Variants in KALRN observed in about 807,000 individuals in gnomAD.
KALRN encodes the protein kalirin RhoGEF kinase.
A neutral mutation model predicts 353.7 loss-of-function variants in KALRN; 70 were observed. The ratio of observed to expected loss-of-function variants is 0.20; its 90% CI spans 0.16 to 0.24. The LOEUF (loss-of-function observed/expected upper bound fraction) is 0.24. Among genes scored for constraint, KALRN ranks in the 10% least tolerant of loss-of-function variants. The probability of loss-of-function intolerance (pLI) is 1.00; values close to 1 mark genes in which losing one functional copy is unlikely to be tolerated. For synonymous variants in KALRN, 1,391 were observed against 1,434.8 expected, an observed-to-expected ratio of 0.97 and a Z score of 0.69; for missense variants, 2,791 against 3,756.7, an observed-to-expected ratio of 0.74 and a Z score of 6.72.
At chr3:124,564,078 G>A (rs894148836) in intron 34 of KALRN, among the ~76,000 whole-genome samples, 29 of 146,382 alleles carry the variant, frequency 2.0e-4, no homozygotes, top group African/African-American at 4.8e-4. Context: ...GGTGGCGCAC[G>A]CCTGTAGTCC....
chr3:124,051,662 A>C (rs1485947090), intron 1 of KALRN, among the ~76,000 whole-genome samples: 1 of 152,078 alleles, frequency 6.6e-6, no homozygotes, highest in Non-Finnish European at 1.5e-5. Context: ...TGATGCGGAA[A>C]ACTTTTGTGT....
At chr3:124,582,301 G>A (rs769613515) in intron 34 of KALRN, among the ~76,000 whole-genome samples, 3 of 152,136 alleles carry the variant, frequency 2.0e-5, no homozygotes, top group Non-Finnish European at 4.4e-5. Context: ...GATTACAAGC[G>A]TGAGCCACTG....
At chr3:124,063,538 A>G (rs1278453736) in intron 1 of KALRN, among the ~76,000 whole-genome samples, 1 of 152,180 alleles carries the variant, frequency 6.6e-6, no homozygotes, top group Non-Finnish European at 1.5e-5. Context: ...TAAAGACACA[A>G]ACATTCTCGG....
chr3:124,228,691 T>C (rs1293219885), intron 2 of KALRN, among the ~76,000 whole-genome samples: 1 of 152,202 alleles, frequency 6.6e-6, no homozygotes, highest in Non-Finnish European at 1.5e-5. Context: ...ATGGAGTGTA[T>C]TAGTTTCCCA....
chr3:124,238,675 C>A (rs2080082120), intron 3 of KALRN, among the ~76,000 whole-genome samples: 1 of 152,158 alleles, frequency 6.6e-6, no homozygotes, highest in South Asian at 2.1e-4. Context: ...TTTGTCTATA[C>A]CTTAAATCCT....
At chr3:124,534,063 T>C (rs2068300929) in intron 33 of KALRN, among the ~76,000 whole-genome samples, 1 of 152,074 alleles carries the variant, frequency 6.6e-6, no homozygotes, top group Non-Finnish European at 1.5e-5. Flanking sequence ...ATACATCCAA[T>C]TGAGAAATAT....
chr3:124,215,030 A>T (rs2077198878), intron 1 of KALRN, among the ~76,000 whole-genome samples: 1 of 152,220 alleles, frequency 6.6e-6, no homozygotes, highest in African/African-American at 2.4e-5. Context: ...ATCTTTATGT[A>T]GAACCCAGTC....
At chr3:124,669,843 A>G (rs2086161788) in intron 47 of KALRN, among the ~76,000 whole-genome samples, 1 of 152,112 alleles carries the variant, frequency 6.6e-6, no homozygotes, top group African/African-American at 2.4e-5. Flanking sequence ...ATAATACCCG[A>G]TATAATGTAC....
chr3:124,314,821 A>AT (rs36075707), intron 6 of KALRN, among the ~76,000 whole-genome samples: 49,228 of 151,944 alleles, frequency 0.32, 8,852 homozygotes, highest in East Asian at 0.47. Context: ...ATGCTGGCTA[A>AT]TTTTTTAATT....
chr3:124,346,494 C>T (rs2082273299), intron 9 of KALRN, among the ~76,000 whole-genome samples: 1 of 152,118 alleles, frequency 6.6e-6, no homozygotes, highest in South Asian at 2.1e-4. Context: ...TATTAAAGGA[C>T]TTAGGATGCA....
At chr3:124,146,874 C>CGAAAAAAA (rs2067406933) in intron 1 of KALRN, among the ~76,000 whole-genome samples, 1 of 49,924 alleles carries the variant, frequency 2.0e-5, no homozygotes, top group Non-Finnish European at 3.4e-5. Flanking sequence ...GACTCTGTCT[C>CGAAAAAAA]AAAAAAAAAA....
chr3:124,664,364 T>TGCGCGC lies in KALRN; in HGVS notation c.6346-2084_6346-2083insCGCGCG, dbSNP rs769865594. Among the ~76,000 whole-genome samples, 938 of 127,030 alleles carry TGCGCGC rather than the reference T, an allele frequency of 7.4e-3. 12 individuals are homozygous for TGCGCGC. The highest frequency in any genetic ancestry group is 0.021 in the Admixed American group (263 of 12,604). The allele number at this position is 127,030 out of a possible 152,430, so 83.3% of individuals were successfully genotyped here. On this transcript the variant is annotated intron_variant, in intron 45 of 59. Transcript: ENST00000682506. ...GTGTGTGTGTGTGTGTGTGTGTGTG[T>TGCGCGC]GTGTGTGCGCGCGCGCGCATATAAG...
chr3:124,615,557 A>C (rs904271603), intron 34 of KALRN, among the ~76,000 whole-genome samples: 1 of 152,242 alleles, frequency 6.6e-6, no homozygotes, highest in Admixed American at 6.5e-5. Context: ...AGCTAAGGGC[A>C]AAATGTTAAC....
At chr3:124,095,863 G>C (rs2061413691) in intron 1 of KALRN, 1 of 152,076 alleles carries the variant, frequency 6.6e-6, no homozygotes, top group Non-Finnish European at 1.5e-5. Flanking sequence ...GGGAAGCCTT[G>C]CTATACAGCC....
At chr3:124,344,747 A>G (rs550485101) in intron 9 of KALRN, among the ~76,000 whole-genome samples, 1 of 152,362 alleles carries the variant, frequency 6.6e-6, no homozygotes, top group African/African-American at 2.4e-5. Context: ...TCACAGAGCA[A>G]TCAAAGTTAT....
chr3:124,640,857 C>T (rs1172688391), intron 37 of KALRN, among the ~76,000 whole-genome samples: 1 of 152,166 alleles, frequency 6.6e-6, no homozygotes, highest in South Asian at 2.1e-4. Context: ...GAGTTTTCTT[C>T]GTTCCATATG....
At chr3:124,626,707 A>G (rs1259139741) in intron 34 of KALRN, among the ~76,000 whole-genome samples, 1 of 152,226 alleles carries the variant, frequency 6.6e-6, no homozygotes, top group Non-Finnish European at 1.5e-5. Flanking sequence ...TGCTGGTACT[A>G]GTTTTGTTAC....
At chr3:124,718,454 G>T (rs1242649378) in intron 59 of KALRN, among the ~76,000 whole-genome samples, 2 of 152,100 alleles carry the variant, frequency 1.3e-5, no homozygotes, top group Non-Finnish European at 2.9e-5. Context: ...AATCTGGGCT[G>T]TCACACAATT....
chr3:124,080,618 G>C (rs969169376), intron 1 of KALRN, among the ~76,000 whole-genome samples: 1 of 152,070 alleles, frequency 6.6e-6, no homozygotes, highest in Non-Finnish European at 1.5e-5. Context: ...GCAATTCTTC[G>C]ATTATTTCTG....
Sources: allele counts gnomAD v4.1 joint callset (sites outside exome capture counted in the v4.1 genomes callset), GRCh38; gene constraint gnomAD v4.1.1; transcripts MANE v1.5; gene names NCBI Gene and HGNC (gene_info 2026-07-23, HGNC 2026-07-21).